GRID2: variants seen among roughly 807,000 people sequenced by gnomAD.
GRID2 encodes glutamate ionotropic receptor delta type subunit 2, also known as glutamate receptor ionotropic, delta-2.
A neutral mutation model predicts 114.8 loss-of-function variants in GRID2; 33 were observed. The ratio of observed to expected loss-of-function variants is 0.29; its 90% CI spans 0.22 to 0.38. The LOEUF (loss-of-function observed/expected upper bound fraction) is 0.38. Among genes scored for constraint, GRID2 ranks in the 10% least tolerant of loss-of-function variants. GRID2 has a pLI of 1.00. For synonymous variants in GRID2, 505 were observed against 449.9 expected (o/e 1.12, Z -1.55); for missense variants, 1,184 against 1,257.7 (o/e 0.94, Z 0.89).
intron 2 of GRID2, among the ~76,000 whole-genome samples, chr4:92,879,939 T>C (rs1352302596): frequency 6.6e-6 from 1 of 152,182 alleles, no homozygotes; most frequent in African/African-American, 2.4e-5. Context: ...GTAACTTAGC[T>C]TAAATATAAG....
At chr4:93,114,119 T>C (rs1733021849) in intron 4 of GRID2, among the ~76,000 whole-genome samples, 1 of 152,176 alleles carries the variant, frequency 6.6e-6, no homozygotes, top group Admixed American at 6.5e-5. Flanking sequence ...CAACCAGTGA[T>C]GAAGAGGAGA....
At chr4:92,875,250 C>T (rs1195321685) in intron 2 of GRID2, among the ~76,000 whole-genome samples, 1 of 150,062 alleles carries the variant, frequency 6.7e-6, no homozygotes, top group East Asian at 2.0e-4. Flanking sequence ...GCAACCTCTG[C>T]CTCCCGGGTA....
intron 8 of GRID2, among the ~76,000 whole-genome samples, chr4:93,317,986 A>AATATATACAT (rs1756841574): frequency 9.9e-6 from 1 of 100,914 alleles, no homozygotes; most frequent in African/African-American, 3.5e-5. Context: ...TTAAAAGTGA[A>AATATATACAT]ATATATATAT....
At chr4:92,398,961 C>CA (rs1011353576) in intron 1 of GRID2, among the ~76,000 whole-genome samples, 2 of 152,214 alleles carry the variant, frequency 1.3e-5, no homozygotes, top group South Asian at 2.1e-4. Context: ...CGTAACAACT[C>CA]AAAAAATTAT....
chr4:93,678,374 C>T (rs1457837361), intron 14 of GRID2, among the ~76,000 whole-genome samples: 2 of 152,172 alleles, frequency 1.3e-5, no homozygotes, highest in East Asian at 1.9e-4. Flanking sequence ...TCCAGGACAA[C>T]TTCCCCAATC....
At chr4:93,051,819 G>C (rs1726746038) in intron 2 of GRID2, among the ~76,000 whole-genome samples, 1 of 151,948 alleles carries the variant, frequency 6.6e-6, no homozygotes, top group Non-Finnish European at 1.5e-5. Flanking sequence ...GAGCAAGAGA[G>C]AATGTGGTCA....
rs139953163 is a variant in GRID2 at position 93,040,845 on chromosome 4, G to A, written c.245-44150G>A. ...AAAATTTTAAGAAATTTTCGAGGTC[G>A]GCGAATTTACAAGGAGCTGTATTTA... On this transcript the variant is annotated intron_variant, in intron 2 of 15. Transcript: ENST00000282020. Among the ~76,000 whole-genome samples, 509 of 151,982 alleles carry A rather than the reference G, an allele frequency of 3.3e-3. 1 individual carries two copies. Among genetic ancestry groups the A allele is most frequent in the Non-Finnish European group, 4.8e-3 (325 of 67,986 alleles).
intron 4 of GRID2, among the ~76,000 whole-genome samples, chr4:93,203,025 T>C (rs943210192): frequency 6.6e-6 from 1 of 152,126 alleles, no homozygotes; most frequent in African/African-American, 2.4e-5. Context: ...GTGAGAGAAC[T>C]CAAAGCTTAC....
intron 2 of GRID2, among the ~76,000 whole-genome samples, chr4:92,891,660 C>G (rs1746792922): frequency 6.6e-6 from 1 of 151,992 alleles, no homozygotes; most frequent in South Asian, 2.1e-4. Flanking sequence ...TAAAATTTTC[C>G]TAAAGTAGAA....
intron 14 of GRID2, among the ~76,000 whole-genome samples, chr4:93,687,870 G>A (rs1187979920): frequency 6.6e-6 from 1 of 151,856 alleles, no homozygotes; most frequent in Admixed American, 6.6e-5. Context: ...AGTATATTAT[G>A]TATGAATTCT....
intron 2 of GRID2, among the ~76,000 whole-genome samples, chr4:92,792,969 C>T (rs908935698): frequency 6.8e-6 from 1 of 146,048 alleles, no homozygotes; most frequent in Non-Finnish European, 1.5e-5. Flanking sequence ...AATCTAGTAT[C>T]TTGGCTTTCC....
intron 14 of GRID2, among the ~76,000 whole-genome samples, chr4:93,754,208 A>G (rs1231993225): frequency 6.6e-6 from 1 of 152,210 alleles, no homozygotes; most frequent in Non-Finnish European, 1.5e-5. Context: ...TCAGTGACCA[A>G]AATGTCATTA....
At chr4:93,636,065 C>T (rs1721386018) in intron 14 of GRID2, among the ~76,000 whole-genome samples, 1 of 152,108 alleles carries the variant, frequency 6.6e-6, no homozygotes, top group Non-Finnish European at 1.5e-5. Flanking sequence ...TCAGGGAACA[C>T]TATATTCAAG....
In GRID2 at chr4:93,626,311, T is replaced by C. The variant is rs747037412; in HGVS notation, c.2236T>C (p.Leu746=). 7 of 1,603,224 alleles carry C rather than the reference T, an allele frequency of 4.4e-6. No homozygotes were observed. In the South Asian group the frequency reaches 4.4e-5, roughly 10 times the overall value. The change falls in exon 14 of 16, where the codon TTG becomes CTG. Residue 746 remains leucine (L), a synonymous_variant. Transcript: ENST00000282020. The part of the protein sequence containing the change: ...NYAFVWDAAV[L]EYVAINDPDC... ...TGCTTTCGTATGGGATGCAGCTGTA[T>C]TGGAATATGTGGCTATCAATGACCC...
intron 2 of GRID2, among the ~76,000 whole-genome samples, chr4:92,869,049 G>A (rs894319098): frequency 1.3e-5 from 2 of 151,942 alleles, no homozygotes; most frequent in African/African-American, 2.4e-5. Context: ...TTTTAATTTT[G>A]TATAAATGTG....
At chr4:92,708,446 A>G (rs757056879) in intron 2 of GRID2, among the ~76,000 whole-genome samples, 1 of 152,126 alleles carries the variant, frequency 6.6e-6, no homozygotes, top group Non-Finnish European at 1.5e-5. Context: ...TTCATGAGTT[A>G]AGGTTTTGGT....
intron 1 of GRID2, among the ~76,000 whole-genome samples, chr4:92,370,563 A>C (rs1184775050): frequency 1.3e-5 from 2 of 152,148 alleles, no homozygotes; most frequent in African/African-American, 2.4e-5. Context: ...AGGCAGAAGA[A>C]TTGCTTGTGA....
At chr4:93,026,251 A>T (rs1471985887) in intron 2 of GRID2, among the ~76,000 whole-genome samples, 2 of 151,732 alleles carry the variant, frequency 1.3e-5, no homozygotes, top group East Asian at 3.9e-4. Context: ...ATGTTTTCTG[A>T]GATTTGCTTT....
chr4:92,981,816 A>C (rs1253405982), intron 2 of GRID2, among the ~76,000 whole-genome samples: 1 of 151,952 alleles, frequency 6.6e-6, no homozygotes, highest in Non-Finnish European at 1.5e-5. Context: ...AAAATGAATA[A>C]CTTTTTAAAA....
Sources: gnomAD v4.1 joint callset for allele counts (sites outside exome capture counted in the v4.1 genomes callset) on GRCh38, gnomAD v4.1.1 for gene constraint, MANE v1.5 for transcripts, NCBI Gene and HGNC (gene_info 2026-07-23, HGNC 2026-07-21) for gene names.